Variants in FAM107B observed in about 807,000 individuals in gnomAD.
The protein encoded by FAM107B is protein FAM107B.
Under a neutral mutation model 31.5 loss-of-function variants are expected in FAM107B, and 21 were observed. The ratio of observed to expected loss-of-function variants is 0.67; its 90% CI spans 0.47 to 0.96. The LOEUF (loss-of-function observed/expected upper bound fraction) is 0.96, where lower values mean the gene tolerates loss of function less well. FAM107B is among the 40% of genes least tolerant of loss of function. The pLI, the probability that FAM107B is intolerant of heterozygous loss-of-function variation, is 0.00. For missense variants in FAM107B, 452 were observed against 377.1 expected (o/e 1.20, Z -1.64); for synonymous variants, 157 against 141.5 (o/e 1.11, Z -0.78).
chr10:14,688,324 A>G (rs183650258), intron 1 of FAM107B, among the ~76,000 whole-genome samples: 2 of 152,280 alleles, frequency 1.3e-5, no homozygotes, highest in East Asian at 3.9e-4. Context: ...CTCAGCTTGC[A>G]GAAGGCCTAT....
chr10:14,519,413 T>C lies in FAM107B; in HGVS notation c.*1777A>G, dbSNP rs1263735472. 1 of 152,188 alleles carries C rather than the reference T, an allele frequency of 6.6e-6. No individual in the cohort carries two copies. The highest frequency in any genetic ancestry group is 1.5e-5 in the Non-Finnish European group (1 of 68,034). 9.4% of individuals were successfully genotyped at this position (152,188 alleles called of 1,614,324 possible). On this transcript the variant is annotated 3_prime_UTR_variant, in exon 5 of 5. Transcript: ENST00000181796. ...TCAACGTGCAATCAGAAATGGGCTT[T>C]TCAAGATCATCAGTCATCACACTTC...
At chr10:14,769,670 G>A (rs188989114) in intron 1 of FAM107B, among the ~76,000 whole-genome samples, 482 of 152,298 alleles carry the variant, frequency 3.2e-3, no homozygotes, top group African/African-American at 0.011. Context: ...ACAGGCGTGA[G>A]CCACCGCGCC....
chr10:14,720,873 C>G, intron 1 of FAM107B, among the ~76,000 whole-genome samples: 1 of 151,736 alleles, frequency 6.6e-6, no homozygotes, highest in East Asian at 1.9e-4. Flanking sequence ...ACTTTAAGTT[C>G]TAGGGTACAA....
chr10:14,597,344 G>T (rs1200168372), intron 2 of FAM107B, among the ~76,000 whole-genome samples: 1 of 144,838 alleles, frequency 6.9e-6, no homozygotes, highest in Non-Finnish European at 1.5e-5. Flanking sequence ...CTTGGATAAA[G>T]CGTGAGTTTT....
At chr10:14,739,168 T>C (rs1856378684) in intron 1 of FAM107B, among the ~76,000 whole-genome samples, 1 of 152,206 alleles carries the variant, frequency 6.6e-6, no homozygotes, top group African/African-American at 2.4e-5. Context: ...ACGTTCATCA[T>C]ACACATCCCA....
chr10:14,691,126 C>G (rs912479551), intron 1 of FAM107B, among the ~76,000 whole-genome samples: 5 of 152,038 alleles, frequency 3.3e-5, no homozygotes, highest in Admixed American at 2.0e-4. Context: ...GCCTCGACCT[C>G]CTGGGTTCAA....
intron 2 of FAM107B, among the ~76,000 whole-genome samples, chr10:14,599,647 T>TA (rs922109011): frequency 6.6e-6 from 1 of 151,928 alleles, no homozygotes; most frequent in African/African-American, 2.4e-5. Context: ...TACAGTTTTT[T>TA]AAAAAAAGAT....
chr10:14,584,084 G>A (rs532474279), intron 2 of FAM107B, among the ~76,000 whole-genome samples: 15 of 152,196 alleles, frequency 9.9e-5, no homozygotes, highest in Admixed American at 1.3e-4. Context: ...TACTGGGTCC[G>A]AAAGAAAGAC....
In FAM107B at chr10:14,521,319, C is replaced by G; in HGVS notation, c.805-13G>C. 1 of 1,605,042 alleles carries G rather than the reference C, an allele frequency of 6.2e-7. No individual in the cohort carries two copies. The highest frequency in any genetic ancestry group is 8.5e-7 in the Non-Finnish European group (1 of 1,173,252). On this transcript the variant is annotated splice_polypyrimidine_tract_variant and intron_variant, in intron 4 of 4. Transcript: ENST00000181796. The stretch of plus-strand genomic sequence containing the variant: ...TCTCAAGTTCAAGCTAAATGACATT[C>G]AGAAAAGGAAAAATTATTTACAAAC...
rs1845599186 is a variant in FAM107B, at chr10:14,521,240, C to T, written c.871G>A (p.Gly291Ser). 1 of 1,614,068 alleles carries T rather than the reference C, an allele frequency of 6.2e-7. No homozygotes were observed. Among genetic ancestry groups the T allele is most frequent in the Admixed American group, 1.7e-5 (1 of 60,002 alleles). Residue 291 changes from glycine (G) to serine (S), a missense_variant, in exon 5 of 5, where the codon GGC (glycine) becomes AGC (serine). Coordinates refer to ENST00000181796, the MANE Select transcript of FAM107B (RefSeq NM_031453.4). ...ENAPEFVKVK[G>S]NLRRTGQEVA... ...TCTTGGCCTGTTCTCCTGAGATTGC[C>T]TTTCACCTTCACAAACTCGGGGGCA...
At chr10:14,745,486 T>C (rs1213539321) in intron 1 of FAM107B, among the ~76,000 whole-genome samples, 1 of 152,160 alleles carries the variant, frequency 6.6e-6, no homozygotes, top group Non-Finnish European at 1.5e-5. Flanking sequence ...ATCCCAGAAA[T>C]TCTGGTATAT....
chr10:14,772,005 G>A (rs1833314587), intron 1 of FAM107B, among the ~76,000 whole-genome samples: 1 of 152,114 alleles, frequency 6.6e-6, no homozygotes, highest in Non-Finnish European at 1.5e-5. Context: ...GTGGCCTTGG[G>A]CAAATGTCTT....
chr10:14,618,644 C>T (rs1852914189), intron 2 of FAM107B, among the ~76,000 whole-genome samples: 2 of 151,712 alleles, frequency 1.3e-5, no homozygotes, highest in South Asian at 4.1e-4. Flanking sequence ...CAAGACCAGC[C>T]TGGCCAACAT....
intron 1 of FAM107B, among the ~76,000 whole-genome samples, chr10:14,739,246 C>T (rs752438039): frequency 4.6e-5 from 7 of 152,316 alleles, no homozygotes; most frequent in Admixed American, 3.9e-4. Context: ...CGCTCCATGA[C>T]GGGAGTGCTA....
intron 2 of FAM107B, among the ~76,000 whole-genome samples, chr10:14,650,241 G>A (rs1293462531): frequency 6.6e-6 from 1 of 151,680 alleles, no homozygotes. Context: ...GGTTATATAA[G>A]CTCATTACAG....
intron 2 of FAM107B, chr10:14,542,833 T>C (rs564155600): frequency 5.9e-5 from 9 of 152,356 alleles, no homozygotes; most frequent in Non-Finnish European, 1.0e-4. Flanking sequence ...GTATCAACAG[T>C]GAGTCTTTTG....
At chr10:14,743,880 T>C (rs934695373) in intron 1 of FAM107B, among the ~76,000 whole-genome samples, 4 of 152,224 alleles carry the variant, frequency 2.6e-5, no homozygotes, top group African/African-American at 9.7e-5. Flanking sequence ...TTTTTTCTAA[T>C]TCTGTGAAGA....
At chr10:14,647,719 A>G (rs921914538) in intron 2 of FAM107B, among the ~76,000 whole-genome samples, 1 of 152,044 alleles carries the variant, frequency 6.6e-6, no homozygotes, top group Non-Finnish European at 1.5e-5. Flanking sequence ...GCTAATTCAA[A>G]CAGTAATATG....
At chr10:14,712,936 C>A (rs1414693627) in intron 1 of FAM107B, among the ~76,000 whole-genome samples, 4 of 152,120 alleles carry the variant, frequency 2.6e-5, no homozygotes, top group Non-Finnish European at 5.9e-5. Flanking sequence ...CACTTTAGGG[C>A]TTTTTGGTTC....
Sources: allele counts gnomAD v4.1 joint callset (sites outside exome capture counted in the v4.1 genomes callset), GRCh38; gene constraint gnomAD v4.1.1; transcripts MANE v1.5; gene names NCBI Gene and HGNC (gene_info 2026-07-23, HGNC 2026-07-21).